The following DTX4 variants were observed in gnomAD, a reference collection of about 807,000 sequenced individuals.
The protein encoded by DTX4 is deltex E3 ubiquitin ligase 4, also known as E3 ubiquitin-protein ligase DTX4.
Under a neutral mutation model 57.6 loss-of-function variants are expected in DTX4, and 28 were observed. The ratio of observed to expected loss-of-function variants is 0.49; its 90% confidence interval spans 0.36 to 0.67. DTX4 has a LOEUF of 0.67. Among genes scored for constraint, DTX4 ranks in the 30% least tolerant of loss-of-function variants. The probability of loss-of-function intolerance (pLI) is 0.00; values close to 1 mark genes in which losing one functional copy is unlikely to be tolerated. For missense variants in DTX4, 715 were observed against 836.8 expected, an observed-to-expected ratio of 0.85 and a Z score of 1.80; for synonymous variants, 316 against 331.0, an observed-to-expected ratio of 0.95 and a Z score of 0.49.
rs768510295 is a variant in DTX4 at position 59,195,310 on chromosome 11, C to A, written c.1477C>A (p.Pro493Thr). ...MEYHLIPHSL[P>T]GHPDCKTIRI... ...GTACCACCTCATCCCCCACTCCTTG[C>A]CTGGCCACCCAGACTGCAAAACCAT... The change falls in exon 7 of 9, where the codon CCT becomes ACT. Residue 493 changes from proline (P) to threonine (T), a missense_variant. Coordinates refer to ENST00000227451, the MANE Select transcript of DTX4 (RefSeq NM_015177.2). The A allele has an allele frequency of 6.2e-7, 1 of 1,613,988 alleles. No individual in the cohort carries two copies.
chr11:59,195,969 T>C (rs1157929325), intron 7 of DTX4, among the ~76,000 whole-genome samples: 2 of 152,262 alleles, frequency 1.3e-5, no homozygotes, highest in African/African-American at 4.8e-5. Context: ...CTTTCCTCTT[T>C]TGATTCTCTG....
intron 3 of DTX4, 76 bp downstream of exon 3, chr11:59,188,872 A>C: frequency 7.4e-7 from 1 of 1,346,498 alleles, no homozygotes; most frequent in Non-Finnish European, 1.0e-6. Flanking sequence ...GCATTTGTGG[A>C]AAAAAAGGAG....
Position 59,204,884 on chromosome 11 carries a change from A to T in DTX4, c.1835A>T (p.Asp612Val). 1.9e-6 allele frequency: 3 copies of T among 1,590,498 alleles called. No homozygotes were observed. The highest frequency in any genetic ancestry group is 2.6e-6 in the Non-Finnish European group (3 of 1,167,864). ...AELAAQGISE[D>V]STAQEKD Reference sequence around the variant, plus strand: ...CTGGCTGCCCAGGGCATCTCTGAGGACAGCACTGCCCAGGAGAAGGACTGA... The same window carrying T: ...CTGGCTGCCCAGGGCATCTCTGAGGTCAGCACTGCCCAGGAGAAGGACTGA... Residue 612 changes from aspartate (D) to valine (V), a missense_variant, in exon 9 of 9, where the codon GAC becomes GTC. Transcript: ENST00000227451.
chr11:59,204,599 G>T (rs1181610783), intron 8 of DTX4, 77 bp from the exon 9 acceptor site: 2 of 1,358,038 alleles, frequency 1.5e-6, no homozygotes, highest in Non-Finnish European at 1.0e-6. Context: ...CCCTTGGGAG[G>T]ATTCTCTACC....
intron 7 of DTX4, 119 bp from the exon 8 acceptor site, chr11:59,199,565 T>A (rs1565221533): frequency 1.2e-6 from 1 of 822,458 alleles, no homozygotes; most frequent in Non-Finnish European, 2.0e-6. Context: ...GTCTGTTCTC[T>A]GTTGAAGCTT....
intron 7 of DTX4, among the ~76,000 whole-genome samples, chr11:59,198,971 T>C (rs953393515): frequency 6.6e-6 from 1 of 152,214 alleles, no homozygotes; most frequent in Admixed American, 6.5e-5. Context: ...AGTTTTTTTC[T>C]CACCAAGTGG....
intron 6 of DTX4, chr11:59,194,925 G>A: frequency 2.3e-6 from 1 of 442,330 alleles, no homozygotes; most frequent in Non-Finnish European, 4.1e-6. Context: ...CCCTGTGTAG[G>A]CTCCTGCCCT....
chr11:59,180,993 T>C lies in DTX4; in HGVS notation c.212-746T>C, dbSNP rs540184731. On this transcript the variant is annotated intron_variant, in intron 1 of 8. Transcript: ENST00000227451. ...AATGTTGGGAAATATGAGAGAGTTC[T>C]CCCAACCTGATTTCCCTTCTTCTCA... 4.6e-5 allele frequency among the ~76,000 whole-genome samples: 7 copies of C among 152,318 alleles called. No individual in the cohort carries two copies. In the South Asian group the frequency reaches 1.5e-3, roughly 32 times the overall value.
At chr11:59,172,866 ACCTC>A in intron 1 of DTX4, 60 bp downstream of exon 1, 1 of 1,379,382 alleles carries the variant, frequency 7.2e-7, no homozygotes, top group Non-Finnish European at 9.7e-7. Flanking sequence ...CTGCCAAGGT[ACCTC>A]CCTCCCTGTG....
intron 1 of DTX4, among the ~76,000 whole-genome samples, chr11:59,174,487 G>A (rs1209984429): frequency 6.3e-5 from 6 of 95,032 alleles, no homozygotes; most frequent in Non-Finnish European, 1.2e-4. Flanking sequence ...ATCTGACAGG[G>A]GATTCCAGTC....
chr11:59,197,350 AGAG>A (rs1862685385), intron 7 of DTX4, among the ~76,000 whole-genome samples: 1 of 152,154 alleles, frequency 6.6e-6, no homozygotes, highest in Non-Finnish European at 1.5e-5. Flanking sequence ...AGAGGGTTGT[AGAG>A]GAAAAATTTG....
intron 6 of DTX4, among the ~76,000 whole-genome samples, chr11:59,193,776 A>T (rs192330515): frequency 1.8e-4 from 27 of 152,372 alleles, no homozygotes; most frequent in African/African-American, 6.3e-4. Flanking sequence ...AGGCCAAAGC[A>T]GAAAGTGGGA....
At chr11:59,200,128 A>G (rs1183215029) in intron 8 of DTX4, among the ~76,000 whole-genome samples, 1 of 152,152 alleles carries the variant, frequency 6.6e-6, no homozygotes, top group African/African-American at 2.4e-5. Flanking sequence ...ATGAAAGGCA[A>G]CTCTTATATG....
intron 8 of DTX4, among the ~76,000 whole-genome samples, chr11:59,201,426 G>A (rs951224010): frequency 6.6e-6 from 1 of 152,174 alleles, no homozygotes; most frequent in East Asian, 1.9e-4. Context: ...CCATGGAAGG[G>A]GGCAGAGGAC....
At position 59,208,094 on chromosome 11, in the gene DTX4, T is replaced by C. The variant is rs117311380; in HGVS notation, c.*3185T>C. The C allele has an allele frequency of 2.0e-5, 3 of 152,752 alleles. No homozygotes were observed. In the East Asian group the frequency reaches 5.8e-4, roughly 29 times the overall value. The allele number at this position is 152,752 out of a possible 1,614,324, so 9.5% of individuals were successfully genotyped here. A position where few individuals can be genotyped will look rare whatever the true frequency, so the allele number is the denominator to read the frequency against. Reference sequence around the variant, plus strand: ...TGGAATGTTTTTGAAGTCTTTGGTGTTGCTCCGTGAAAGGACATCGCCACC... The same window carrying C: ...TGGAATGTTTTTGAAGTCTTTGGTGCTGCTCCGTGAAAGGACATCGCCACC... On this transcript the variant is annotated 3_prime_UTR_variant, in exon 9 of 9. Transcript: ENST00000227451.
rs773449256 is a variant in DTX4, at chr11:59,195,365, TTCAGGTGAGCCTTTCTC to T, written c.1536+13_1536+29del. ...ATCATCTACAGCATCCCCCCCGGCATTCAGGTGAGCCTTTCTCTCAGGTGAGCCTTTCTGTCACCCCT... is the reference window on the plus strand; with the variant it reads ...ATCATCTACAGCATCCCCCCCGGCATTCAGGTGAGCCTTTCTGTCACCCCT... On this transcript the variant is annotated splice_donor_variant and splice_donor_5th_base_variant and coding_sequence_variant and intron_variant, in exon 7 of 9. Transcript: ENST00000227451. LOFTEE classifies it high-confidence loss of function. 17 of 1,603,328 alleles carry T rather than the reference TTCAGGTGAGCCTTTCTC, an allele frequency of 1.1e-5. No homozygotes were observed. The highest frequency in any genetic ancestry group is 1.5e-5 in the Non-Finnish European group (17 of 1,172,294).
At position 59,182,236 on chromosome 11, in the gene DTX4, GC is replaced by G. The variant is rs777292925; in HGVS notation, c.711del (p.Lys238SerfsTer13). 50 of 1,609,894 alleles carry G rather than the reference GC, an allele frequency of 3.1e-5. No individual in the cohort carries two copies. The highest frequency in any genetic ancestry group is 4.0e-5 in the Non-Finnish European group (47 of 1,178,192). Reference sequence around the variant, plus strand: ...GCTACCCCCACTGCCAGGCTCTGGGGCCAAGCCACTGGACAGCACAGGCACC... The same window carrying G: ...GCTACCCCCACTGCCAGGCTCTGGGGCAAGCCACTGGACAGCACAGGCACC... ...VKLPPLPGSG[A>X]KPLDSTGTIR... On this transcript the variant is annotated frameshift_variant, in exon 2 of 9. Coordinates refer to ENST00000227451, the MANE Select transcript of DTX4 (RefSeq NM_015177.2). LOFTEE classifies it high-confidence loss of function.
At chr11:59,201,001 C>T (rs539535433) in intron 8 of DTX4, among the ~76,000 whole-genome samples, 15 of 152,306 alleles carry the variant, frequency 9.8e-5, no homozygotes, top group South Asian at 4.1e-4. Context: ...GTGCCATAGA[C>T]GGGGTGCCTT....
intron 6 of DTX4, among the ~76,000 whole-genome samples, chr11:59,194,218 A>T (rs1862634852): frequency 6.6e-6 from 1 of 152,202 alleles, no homozygotes; most frequent in Admixed American, 6.5e-5. Flanking sequence ...TCCTCTCTAC[A>T]AAAAGGGGCT....
Sources: allele counts gnomAD v4.1 joint callset (sites outside exome capture counted in the v4.1 genomes callset), GRCh38; gene constraint gnomAD v4.1.1; transcripts MANE v1.5; gene names NCBI Gene and HGNC (gene_info 2026-07-23, HGNC 2026-07-21).